The following KIF13A variants were observed in gnomAD, a reference collection of about 807,000 sequenced individuals.
KIF13A encodes kinesin-like protein KIF13A.
KIF13A carries 79 observed loss-of-function variants against 212.2 expected under a neutral mutation model. The observed-to-expected ratio is 0.37, with a 90% confidence interval of 0.31 to 0.45. KIF13A has a LOEUF of 0.45. Among genes scored for constraint, KIF13A ranks in the 20% least tolerant of loss-of-function variants. KIF13A has a pLI of 1.00. For missense variants in KIF13A, 1,901 were observed against 2,209.0 expected, an observed-to-expected ratio of 0.86 and a Z score of 2.79; for synonymous variants, 789 against 808.6, an observed-to-expected ratio of 0.98 and a Z score of 0.41.
intron 4 of KIF13A, among the ~76,000 whole-genome samples, chr6:17,864,481 C>G (rs180936179): frequency 6.6e-6 from 1 of 152,056 alleles, no homozygotes; most frequent in African/African-American, 2.4e-5. Context: ...GAGTCACATA[C>G]GATATGAATC....
At chr6:17,870,498 T>C (rs1366005914) in intron 4 of KIF13A, among the ~76,000 whole-genome samples, 4 of 152,074 alleles carry the variant, frequency 2.6e-5, no homozygotes, top group Non-Finnish European at 4.4e-5. Context: ...GAGTGATATA[T>C]TGCAGAAGGC....
Position 17,804,505 on chromosome 6 carries a change from CTT to C in KIF13A, c.2308_2309del (p.Lys770GlufsTer8). The C allele has an allele frequency of 6.3e-7, 1 of 1,594,340 alleles. No homozygotes were observed. On this transcript the variant is annotated frameshift_variant, in exon 20 of 39. Transcript: ENST00000259711. LOFTEE classifies it high-confidence loss of function. Reference protein sequence around the residue: ...QEWKEKVPEAKRLYGKRGDPF... With the variant: ...QEWKEKVPEAXRLYGKRGDPF... Reference sequence around the variant, plus strand: ...GGTCACCTCGTTTTCCGTAGAGTCTCTTTGCCTGAGAAGTAGGAGGGGCCAGT... The same window carrying C: ...GGTCACCTCGTTTTCCGTAGAGTCTCTGCCTGAGAAGTAGGAGGGGCCAGT...
Position 17,799,148 on chromosome 6 carries a change from T to C in KIF13A, c.2790+118A>G. 3 of 591,846 alleles carry C rather than the reference T, an allele frequency of 5.1e-6. No individual in the cohort carries two copies. Among genetic ancestry groups the C allele is most frequent in the Non-Finnish European group, 7.8e-6 (3 of 383,278 alleles). 36.7% of individuals were successfully genotyped at this position (591,846 alleles called of 1,614,324 possible). Reference sequence around the variant, plus strand: ...TTTGTAATGAGGTACATTTTTGAGGTTAAAACATCTAATAAACATATTATA... The same window carrying C: ...TTTGTAATGAGGTACATTTTTGAGGCTAAAACATCTAATAAACATATTATA... On this transcript the variant is annotated intron_variant, in intron 22 of 38. Transcript: ENST00000259711. This position sits in a 1 kb window ranked among gnomAD's most constrained non-coding sequence, Gnocchi z 4.4.
At chr6:17,830,063 C>T (rs1765308710) in intron 13 of KIF13A, among the ~76,000 whole-genome samples, 1 of 152,144 alleles carries the variant, frequency 6.6e-6, no homozygotes, top group African/African-American at 2.4e-5. Flanking sequence ...ATTAAAAATG[C>T]CCTGATGGTT....
chr6:17,985,581 T>C (rs1188425564), intron 2 of KIF13A, among the ~76,000 whole-genome samples: 1 of 136,208 alleles, frequency 7.3e-6, no homozygotes, highest in East Asian at 2.2e-4. Context: ...CCCAGACTGC[T>C]TTCAAGAATC....
At chr6:17,840,739 A>G (rs1467369275) in intron 9 of KIF13A, among the ~76,000 whole-genome samples, 4 of 152,202 alleles carry the variant, frequency 2.6e-5, no homozygotes, top group Non-Finnish European at 5.9e-5. Flanking sequence ...GAGAGAAAAA[A>G]GGAAAGATAC....
chr6:17,796,669 C>T lies in KIF13A; in HGVS notation c.2942G>A (p.Arg981Lys), dbSNP rs753814401. 1 of 1,507,430 alleles carries T rather than the reference C, an allele frequency of 6.6e-7. No homozygotes were observed. Among genetic ancestry groups the T allele is most frequent in the Non-Finnish European group, 8.9e-7 (1 of 1,121,682 alleles). 93.4% of individuals were successfully genotyped at this position (1,507,430 alleles called of 1,614,324 possible). ...CTAAAGCTCACAGCCAAGTACAAAC[C>T]TGTCATGCAGTGTTCTTGTCTTAGC... ...LHAKTRTLHD[R>K]WNEVTRRIEM... is the part of the protein sequence containing the mutation. The change falls in exon 23 of 39, where the codon AGG becomes AAG. Residue 981 changes from arginine to lysine, a missense_variant and splice_region_variant. By Grantham distance (26) the Arg-to-Lys change is conservative. Transcript: ENST00000259711.
intron 2 of KIF13A, among the ~76,000 whole-genome samples, chr6:17,902,211 G>C (rs945929420): frequency 6.6e-6 from 1 of 152,152 alleles, no homozygotes; most frequent in African/African-American, 2.4e-5. Context: ...TTAGAAAACA[G>C]CATTTCACTA....
At position 17,768,044 on chromosome 6, in the gene KIF13A, A is replaced by AC. The variant is rs1759170567; in HGVS notation, c.4581+3069_4581+3070insG. 6.6e-6 allele frequency among the ~76,000 whole-genome samples: 1 copy of AC among 152,220 alleles called. No individual in the cohort carries two copies. The highest frequency in any genetic ancestry group is 1.5e-5 in the Non-Finnish European group (1 of 68,038). On this transcript the variant is annotated intron_variant, in intron 38 of 38. Transcript: ENST00000259711. The surrounding 1 kb of genome is among the most constrained non-coding windows in gnomAD (Gnocchi z 5.4). ...GCTTATTCCAGAAAAAGGAAAACTT[A>AC]GTAGAGATTAAACATTTTCCAATAC...
chr6:17,972,711 T>A (rs1779912654), intron 2 of KIF13A, among the ~76,000 whole-genome samples: 1 of 152,078 alleles, frequency 6.6e-6, no homozygotes, highest in Non-Finnish European at 1.5e-5. Flanking sequence ...TATGGTCATT[T>A]GTGGTGGGTG....
At position 17,898,128 on chromosome 6, in the gene KIF13A, C is replaced by T. The variant is rs753096392; in HGVS notation, c.159+40G>A. ...GTGATAAATCCTGGATTTTTGCACA[C>T]TAAGCCAGTATACATGCCAAATTTC... On this transcript the variant is annotated intron_variant, in intron 3 of 38. Coordinates refer to ENST00000259711, the MANE Select transcript of KIF13A (RefSeq NM_022113.6). This position sits in a 1 kb window ranked among gnomAD's most constrained non-coding sequence, Gnocchi z 5.2. The T allele has an allele frequency of 1.2e-6, 2 of 1,602,614 alleles. No homozygotes were observed. The highest frequency in any genetic ancestry group is 8.5e-7 in the Non-Finnish European group (1 of 1,171,556).
chr6:17,814,173 G>C lies in KIF13A; in HGVS notation c.2000+2847C>G, dbSNP rs1291559272. ...TCACCTTGTTAGCCAGGATGGTCTT[G>C]ATCTCCTGACCTCGTGATCTGCCCG... is the stretch of plus-strand genomic sequence containing the variant. On this transcript the variant is annotated intron_variant, in intron 17 of 38. Transcript: ENST00000259711. Among the ~76,000 whole-genome samples the C allele has an allele frequency of 2.7e-5, 4 of 150,604 alleles. No homozygotes were observed. In the Admixed American group the frequency reaches 2.7e-4, roughly 10 times the overall value.
At chr6:17,941,299 C>G (rs1776939756) in intron 2 of KIF13A, among the ~76,000 whole-genome samples, 1 of 152,134 alleles carries the variant, frequency 6.6e-6, no homozygotes, top group African/African-American at 2.4e-5. Flanking sequence ...AGAGTAAAGT[C>G]AAGGTTTTTC....
At chr6:17,779,819 A>G (rs2150305498) in intron 31 of KIF13A, 135 bp from the exon 32 acceptor site, 1 of 448,220 alleles carries the variant, frequency 2.2e-6, no homozygotes. Flanking sequence ...GGCTCACTGC[A>G]GGCTCCGCCC....
Position 17,766,218 on chromosome 6 carries a change from A to ATT in KIF13A, c.4582-1273_4582-1272insAA, listed in dbSNP as rs1561945537. Among the ~76,000 whole-genome samples the ATT allele has an allele frequency of 3.2e-3, 250 of 78,948 alleles. 2 individuals carry two copies. The highest frequency in any genetic ancestry group is 0.013 in the African/African-American group (240 of 18,954). 51.8% of individuals were successfully genotyped at this position (78,948 alleles called of 152,430 possible). A position where few individuals can be genotyped will look rare whatever the true frequency, so the allele number is the denominator to read the frequency against. ...TATTAATTTACTTATTTTATTTTTAAGATTTATTTATTTATTTATTTATTT... is the reference window on the plus strand; with the variant it reads ...TATTAATTTACTTATTTTATTTTTAATTGATTTATTTATTTATTTATTTATTT... On this transcript the variant is annotated intron_variant, in intron 38 of 38. Coordinates refer to ENST00000259711, the MANE Select transcript of KIF13A (RefSeq NM_022113.6).
chr6:17,857,349 C>T (rs1445011179), intron 4 of KIF13A, among the ~76,000 whole-genome samples: 2 of 152,142 alleles, frequency 1.3e-5, no homozygotes, highest in Non-Finnish European at 2.9e-5. Flanking sequence ...ATCATGGGGG[C>T]AGTTTCCCCT....
intron 22 of KIF13A, among the ~76,000 whole-genome samples, chr6:17,798,585 G>T (rs1299235893): frequency 2.6e-5 from 4 of 152,256 alleles, no homozygotes; most frequent in Non-Finnish European, 5.9e-5. Flanking sequence ...ATTTGCAAAA[G>T]AAGGGATCTT....
chr6:17,824,367 G>A (rs1764749759), intron 16 of KIF13A, among the ~76,000 whole-genome samples: 1 of 152,212 alleles, frequency 6.6e-6, no homozygotes, highest in African/African-American at 2.4e-5. Context: ...TGCCTTGGCA[G>A]CACATATGCC....
At chr6:17,913,847 G>C (rs1244930894) in intron 2 of KIF13A, among the ~76,000 whole-genome samples, 1 of 152,190 alleles carries the variant, frequency 6.6e-6, no homozygotes, top group Non-Finnish European at 1.5e-5. Context: ...AACTTTCAGG[G>C]AAGTGGTTAT....
Sources: gnomAD v4.1 joint callset for allele counts (sites outside exome capture counted in the v4.1 genomes callset) on GRCh38, gnomAD v4.1.1 for gene constraint, Gnocchi (gnomAD v3.1) non-coding constraint, MANE v1.5 for transcripts, NCBI Gene and HGNC (gene_info 2026-07-23, HGNC 2026-07-21) for gene names.